Variants in CHMP3 observed in about 807,000 individuals in gnomAD.
The protein encoded by CHMP3 is 25.1 protein.
CHMP3 carries 8 observed loss-of-function variants against 27.4 expected under a neutral mutation model. That is an observed-to-expected ratio of 0.29 (90% CI 0.17 to 0.53). The LOEUF is 0.53. CHMP3 is among the 20% of genes least tolerant of loss of function. The pLI is 0.96. For missense variants in CHMP3, 208 were observed against 271.5 expected (o/e 0.77, Z 1.64); for synonymous variants, 86 against 85.5 (o/e 1.01, Z -0.03).
At chr2:86,530,116 C>T (rs1675858373) in intron 2 of CHMP3, among the ~76,000 whole-genome samples, 1 of 152,044 alleles carries the variant, frequency 6.6e-6, no homozygotes, top group Non-Finnish European at 1.5e-5. Context: ...CCTCAGCCTC[C>T]CAAGTAGCTG....
Position 86,505,866 on chromosome 2 carries a change from C to T in CHMP3, c.607G>A (p.Glu203Lys), listed in dbSNP as rs759236870. The T allele has an allele frequency of 3.7e-6, 6 of 1,604,148 alleles. No individual in the cohort carries two copies. In the South Asian group the frequency reaches 6.7e-5, roughly 18 times the overall value. ...PPGAMAASED[E>K]EEEEEALEAM... ...TCCAGAGCCTCTTCCTCCTCCTCCT[C>T]ATCCTCTGAGGCAGCCATCGCTCCT... The change falls in exon 6 of 6, where the codon GAG becomes AAG. Residue 203 changes from glutamate to lysine, a missense_variant. Glu to Lys is a moderately conservative substitution (Grantham distance 56, BLOSUM62 1). Transcript: ENST00000263856.
Position 86,563,311 on chromosome 2 carries a change from T to C in CHMP3, c.38A>G (p.Lys13Arg). The change falls in exon 1 of 6, where the codon AAA becomes AGA. Residue 13 changes from lysine to arginine, a missense_variant. Transcript: ENST00000263856. Reference sequence around the variant, plus strand: ...CGCCGCCGTAGCCCTTACCAGTTCTTTGGGCGGCTTCTCCTGGGTCTTTCC... The same window carrying C: ...CGCCGCCGTAGCCCTTACCAGTTCTCTGGGCGGCTTCTCCTGGGTCTTTCC... ...LFGKTQEKPP[K>R]ELVNEWSLKI... The C allele has an allele frequency of 6.2e-7, 1 of 1,614,102 alleles. No homozygotes were observed. The highest frequency in any genetic ancestry group is 8.5e-7 in the Non-Finnish European group (1 of 1,179,952).
At chr2:86,553,021 G>A (rs1387513536) in intron 1 of CHMP3, among the ~76,000 whole-genome samples, 3 of 148,780 alleles carry the variant, frequency 2.0e-5, no homozygotes. Context: ...GGTGGAGATC[G>A]GGTGGGGGCA....
At chr2:86,548,855 G>T (rs1200962505) in intron 1 of CHMP3, among the ~76,000 whole-genome samples, 1 of 148,516 alleles carries the variant, frequency 6.7e-6, no homozygotes, top group Admixed American at 6.7e-5. Flanking sequence ...GGTGGTGGCC[G>T]GGCAGAGGCG....
At position 86,563,332 on chromosome 2, in the gene CHMP3, T is replaced by A; in HGVS notation, c.17A>T (p.Lys6Met). Residue 6 changes from lysine to methionine, a missense_variant, in exon 1 of 6, where the codon AAG becomes ATG. Lys to Met is a moderately conservative substitution (Grantham distance 95). Coordinates refer to ENST00000263856, the MANE Select transcript of CHMP3 (RefSeq NM_016079.4). MGLFGKTQEKPPKELV... is the reference protein window; with the variant it reads MGLFGMTQEKPPKELV... ...TTCTTTGGGCGGCTTCTCCTGGGTC[T>A]TTCCAAACAGCCCCATGACGAACTG... The A allele has an allele frequency of 6.2e-7, 1 of 1,614,134 alleles. No individual in the cohort carries two copies. Among genetic ancestry groups the A allele is most frequent in the Non-Finnish European group, 8.5e-7 (1 of 1,179,984 alleles).
At chr2:86,535,013 T>C (rs986502570) in intron 2 of CHMP3, among the ~76,000 whole-genome samples, 7 of 152,146 alleles carry the variant, frequency 4.6e-5, no homozygotes, top group Non-Finnish European at 8.8e-5. Flanking sequence ...TCCTAGCACT[T>C]TGGGAGGCCA....
At chr2:86,552,095 G>A (rs1420235737) in intron 1 of CHMP3, among the ~76,000 whole-genome samples, 1 of 152,198 alleles carries the variant, frequency 6.6e-6, no homozygotes, top group Non-Finnish European at 1.5e-5. Context: ...TATGCTAAAA[G>A]CAGATAGGAA....
intron 1 of CHMP3, among the ~76,000 whole-genome samples, chr2:86,545,012 G>A (rs1376870388): frequency 7.3e-5 from 8 of 109,966 alleles, no homozygotes; most frequent in Admixed American, 9.2e-5. Context: ...GGGCAGAGGC[G>A]CTCCTCACCT....
intron 3 of CHMP3, among the ~76,000 whole-genome samples, chr2:86,525,900 T>TA (rs1176555661): frequency 6.6e-6 from 1 of 152,218 alleles, no homozygotes; most frequent in Admixed American, 6.5e-5. Flanking sequence ...ATTACGCACT[T>TA]AGAGATAAAG....
At chr2:86,546,050 C>G (rs1676586188) in intron 1 of CHMP3, among the ~76,000 whole-genome samples, 1 of 152,202 alleles carries the variant, frequency 6.6e-6, no homozygotes, top group South Asian at 2.1e-4. Flanking sequence ...GAGATCACGC[C>G]ACTGCACTCC....
chr2:86,548,000 T>C (rs1413009434), intron 1 of CHMP3, among the ~76,000 whole-genome samples: 1 of 152,194 alleles, frequency 6.6e-6, no homozygotes, highest in African/African-American at 2.4e-5. Context: ...TTATTTTCCA[T>C]GAACAATGCT....
intron 2 of CHMP3, among the ~76,000 whole-genome samples, chr2:86,529,770 T>C (rs531894815): frequency 3.0e-4 from 45 of 152,246 alleles, no homozygotes; most frequent in African/African-American, 1.1e-3. Context: ...ACCTGCAACT[T>C]AAGGAAAGCC....
chr2:86,554,584 T>A (rs1370224159), intron 1 of CHMP3, among the ~76,000 whole-genome samples: 1 of 152,194 alleles, frequency 6.6e-6, no homozygotes, highest in African/African-American at 2.4e-5. Context: ...CAAGCAACTT[T>A]CATATATTGC....
At chr2:86,536,836 A>C (rs1676163345) in intron 2 of CHMP3, among the ~76,000 whole-genome samples, 1 of 151,882 alleles carries the variant, frequency 6.6e-6, no homozygotes, top group Admixed American at 6.6e-5. Context: ...TCCACAATGC[A>C]TGTTGGTCTA....
chr2:86,536,865 G>A (rs1303104746), intron 2 of CHMP3, among the ~76,000 whole-genome samples: 1 of 151,870 alleles, frequency 6.6e-6, no homozygotes, highest in Non-Finnish European at 1.5e-5. Flanking sequence ...TGTCTGACAG[G>A]TCTCTTAGGC....
In CHMP3 at chr2:86,529,410, C is replaced by A. The variant is rs750405574; in HGVS notation, c.107-13G>T. The stretch of plus-strand genomic sequence containing the variant: ...TCTCTTTGGATATCTAAATTTAGAA[C>A]AGAACACCAAAAATCAAGGGTAAGT... On this transcript the variant is annotated splice_polypyrimidine_tract_variant and intron_variant, in intron 2 of 5. Transcript: ENST00000263856. 6.4e-7 allele frequency: 1 copy of A among 1,568,752 alleles called. No homozygotes were observed. Among genetic ancestry groups the A allele is most frequent in the Non-Finnish European group, 8.6e-7 (1 of 1,158,494 alleles).
At chr2:86,525,905 A>C (rs1675692723) in intron 3 of CHMP3, among the ~76,000 whole-genome samples, 1 of 152,180 alleles carries the variant, frequency 6.6e-6, no homozygotes, top group African/African-American at 2.4e-5. Flanking sequence ...GCACTTAGAG[A>C]TAAAGTCAGC....
chr2:86,519,844 G>T (rs1015231939), intron 3 of CHMP3, among the ~76,000 whole-genome samples: 1 of 152,140 alleles, frequency 6.6e-6, no homozygotes, highest in Admixed American at 6.5e-5. Context: ...AACACATCAT[G>T]AACAATACAT....
At chr2:86,510,624 A>G in intron 3 of CHMP3, 145 bp from the exon 4 acceptor site, 1 of 1,155,980 alleles carries the variant, frequency 8.7e-7, no homozygotes, top group Non-Finnish European at 1.2e-6. Context: ...TTACTGTGCT[A>G]GTTGACCAAG....
Sources: gnomAD v4.1 joint callset for allele counts (sites outside exome capture counted in the v4.1 genomes callset) on GRCh38, gnomAD v4.1.1 for gene constraint, MANE v1.5 for transcripts, NCBI Gene and HGNC (gene_info 2026-07-23, HGNC 2026-07-21) for gene names.